Variants in ASXL1 observed in about 807,000 individuals in gnomAD.
The protein encoded by ASXL1 is polycomb group protein ASXL1.
In ASXL1, 65 loss-of-function variants were observed where a neutral mutation model predicts 89.1. The observed-to-expected ratio is 0.73, with a 90% CI of 0.60 to 0.90. ASXL1 has a LOEUF of 0.90. Ranked by LOEUF, ASXL1 falls within the 40% of genes least tolerant of loss-of-function variation. The probability of loss-of-function intolerance (pLI) is 0.00; values close to 1 mark genes in which losing one functional copy is unlikely to be tolerated. For missense variants in ASXL1, 1,786 were observed against 1,942.9 expected, an observed-to-expected ratio of 0.92 and a Z score of 1.52; for synonymous variants, 739 against 746.9, an observed-to-expected ratio of 0.99 and a Z score of 0.17.
At chr20:32,366,340 A>C (rs2048204067) in intron 1 of ASXL1, 44 bp from the exon 2 acceptor site, 2 of 1,515,260 alleles carry the variant, frequency 1.3e-6, no homozygotes, top group Admixed American at 3.3e-5. Flanking sequence ...GATGGATATA[A>C]ATGGAAATTG....
rs753355494 is a variant in ASXL1, at chr20:32,434,854, C to T, written c.2142C>T (p.Ser714=). The change falls in exon 13 of 13, where the codon TCC becomes TCT. Residue 714 remains serine, a synonymous_variant. Transcript: ENST00000375687. ...GEHTQAGTAM[S]RARREDLPSL... ...ATACCCAGGCCGGAACTGCCATGTC[C>T]AGAGCTAGGAGAGAGGACCTGCCTT... The T allele has an allele frequency of 1.2e-6, 2 of 1,614,138 alleles. No individual in the cohort carries two copies. The highest frequency in any genetic ancestry group is 1.3e-5 in the African/African-American group (1 of 75,038).
At chr20:32,399,923 G>A (rs1023665172) in intron 4 of ASXL1, among the ~76,000 whole-genome samples, 1 of 151,652 alleles carries the variant, frequency 6.6e-6, no homozygotes, top group African/African-American at 2.4e-5. Context: ...CACTACGCCT[G>A]GCTCATTTTT....
At chr20:32,369,177 A>G in intron 4 of ASXL1, 54 bp downstream of exon 4, 2 of 1,501,438 alleles carry the variant, frequency 1.3e-6, no homozygotes, top group South Asian at 1.1e-5. Context: ...TTTAATGTGC[A>G]TAAAAATCAC....
intron 4 of ASXL1, among the ~76,000 whole-genome samples, chr20:32,401,794 G>A (rs911863489): frequency 1.3e-5 from 2 of 152,108 alleles, no homozygotes; most frequent in Admixed American, 6.6e-5. Flanking sequence ...GACCTCAAGT[G>A]ATCCACCCAC....
chr20:32,383,769 CTG>C (rs2048529964), intron 4 of ASXL1, among the ~76,000 whole-genome samples: 1 of 152,164 alleles, frequency 6.6e-6, no homozygotes, highest in Non-Finnish European at 1.5e-5. Context: ...TGTTTAAAAA[CTG>C]TGGGTGTAAA....
chr20:32,359,213 T>C, intron 1 of ASXL1: 1 of 699,306 alleles, frequency 1.4e-6, no homozygotes, highest in Admixed American at 2.0e-5. Flanking sequence ...CCGGGAAGGG[T>C]CGGAAGCTCC....
rs940002290 is a variant in ASXL1, at chr20:32,429,066, C to A, written c.472-272C>A. On this transcript the variant is annotated intron_variant, in intron 6 of 12. Coordinates refer to ENST00000375687, the MANE Select transcript of ASXL1 (RefSeq NM_015338.6). This position sits in a 1 kb window ranked among gnomAD's most constrained non-coding sequence, Gnocchi z 4.9. Reference sequence around the variant, plus strand: ...TGGGAGTGAGCAGTTTGAATGATAACCCTGCACTTACTAGCCTTGAGACTT... The same window carrying A: ...TGGGAGTGAGCAGTTTGAATGATAAACCTGCACTTACTAGCCTTGAGACTT... 5.0e-5 allele frequency: 23 copies of A among 461,334 alleles called. No homozygotes were observed. Among genetic ancestry groups the A allele is most frequent in the Non-Finnish European group, 8.8e-5 (22 of 249,160 alleles). The allele number at this position is 461,334 out of a possible 1,614,324, so 28.6% of individuals were successfully genotyped here. A position where few individuals can be genotyped will look rare whatever the true frequency, so the allele number is the denominator to read the frequency against.
Position 32,358,591 on chromosome 20 carries a change from C to T in ASXL1, c.-185C>T, listed in dbSNP as rs1345696414. On this transcript the variant is annotated 5_prime_UTR_variant, in exon 1 of 13. Transcript: ENST00000375687. ...GGAGCCGCCGCCGCCCCTCCCCCAC[C>T]GCCGCTCTCGCGCCAGCCGGTCCCC... 7.8e-5 allele frequency: 15 copies of T among 191,604 alleles called. No homozygotes were observed. The highest frequency in any genetic ancestry group is 2.1e-5 in the Non-Finnish European group (2 of 93,806). 11.9% of individuals were successfully genotyped at this position (191,604 alleles called of 1,614,324 possible). A position where few individuals can be genotyped will look rare whatever the true frequency, so the allele number is the denominator to read the frequency against.
intron 1 of ASXL1, chr20:32,359,811 G>T (rs1339663923): frequency 4.2e-6 from 3 of 717,876 alleles, no homozygotes; most frequent in Admixed American, 4.0e-5. Context: ...CTTCCTTTTG[G>T]ATTACTCCCA....
At chr20:32,415,158 G>A (rs529843507) in intron 4 of ASXL1, among the ~76,000 whole-genome samples, 6 of 152,062 alleles carry the variant, frequency 3.9e-5, no homozygotes, top group African/African-American at 4.8e-5. Flanking sequence ...ACAGGTGCCC[G>A]CCATCACCCC....
chr20:32,430,497 T>C (rs1569319575), intron 8 of ASXL1: 2 of 241,188 alleles, frequency 8.3e-6, no homozygotes, highest in African/African-American at 2.2e-5. Context: ...GTGTTGAATT[T>C]TGGGGATGCA....
chr20:32,433,720 C>T lies in ASXL1; in HGVS notation c.1522C>T (p.Pro508Ser), dbSNP rs1456774256. The T allele has an allele frequency of 6.2e-7, 1 of 1,613,342 alleles. No individual in the cohort carries two copies. Among genetic ancestry groups the T allele is most frequent in the South Asian group, 1.1e-5 (1 of 91,078 alleles). ...TGCCTCTGCATCTCCAGACAGAATT[C>T]CTAGCCTGCCTCAGGAAACTGTGGA... The part of the protein sequence containing the change: ...ARASASPDRI[P>S]SLPQETVDQE... The change falls in exon 12 of 13, where the codon CCT (proline) becomes TCT (serine). Residue 508 changes from proline to serine, a missense_variant. By Grantham distance (74) the Pro-to-Ser change is moderately conservative. Transcript: ENST00000375687.
In ASXL1 at chr20:32,429,108, C is replaced by T; in HGVS notation, c.472-230C>T. The T allele has an allele frequency of 1.8e-6, 1 of 543,556 alleles. No individual in the cohort carries two copies. The highest frequency in any genetic ancestry group is 3.3e-5 in the East Asian group (1 of 29,910). The allele number at this position is 543,556 out of a possible 1,614,324, so 33.7% of individuals were successfully genotyped here. A position where few individuals can be genotyped will look rare whatever the true frequency, so the allele number is the denominator to read the frequency against. ...TTGAGACTTGGGGAAAATTCCTTAC[C>T]TGTAAAATGGGGATAACAGTACATT... On this transcript the variant is annotated intron_variant, in intron 6 of 12. Transcript: ENST00000375687. This position sits in a 1 kb window ranked among gnomAD's most constrained non-coding sequence, Gnocchi z 4.9.
intron 4 of ASXL1, among the ~76,000 whole-genome samples, chr20:32,404,519 A>G (rs947516820): frequency 3.3e-5 from 5 of 152,172 alleles, no homozygotes; most frequent in Non-Finnish European, 7.3e-5. Flanking sequence ...CTCACTTATT[A>G]GTTCTACAAG....
intron 3 of ASXL1, 22 bp downstream of exon 3, chr20:32,367,751 A>G (rs1287090932): frequency 2.6e-6 from 2 of 780,782 alleles, no homozygotes; most frequent in Non-Finnish European, 4.8e-6. Context: ...CCTTTGGGAC[A>G]TATGGAATTG....
At chr20:32,387,904 A>G (rs1195288502) in intron 4 of ASXL1, among the ~76,000 whole-genome samples, 4 of 152,234 alleles carry the variant, frequency 2.6e-5, no homozygotes, top group Non-Finnish European at 5.9e-5. Context: ...TGTTGGCTGT[A>G]TAAATTAGTG....
chr20:32,366,527 TGTAGTGATATGAGTAA>T, intron 2 of ASXL1, 61 bp downstream of exon 2: 3 of 1,612,496 alleles, frequency 1.9e-6, no homozygotes, highest in Non-Finnish European at 2.5e-6. Flanking sequence ...TTTCTGTAGT[TGTAGTGATATGAGTAA>T]GTACACCTGT....
intron 4 of ASXL1, among the ~76,000 whole-genome samples, chr20:32,411,388 C>T (rs1449349738): frequency 2.0e-5 from 3 of 150,830 alleles, no homozygotes; most frequent in Non-Finnish European, 1.5e-5. Flanking sequence ...CCACCATGCC[C>T]GGCTAATTTT....
chr20:32,434,343 T>G (rs1286267554), intron 12 of ASXL1, 89 bp from the exon 13 acceptor site: 1 of 1,486,702 alleles, frequency 6.7e-7, no homozygotes, highest in Non-Finnish European at 9.4e-7. Flanking sequence ...GCCATGACCC[T>G]TAAGCTACTA....
Sources: gnomAD v4.1 joint callset for allele counts (sites outside exome capture counted in the v4.1 genomes callset) on GRCh38, gnomAD v4.1.1 for gene constraint, Gnocchi (gnomAD v3.1) non-coding constraint, MANE v1.5 for transcripts, NCBI Gene and HGNC (gene_info 2026-07-23, HGNC 2026-07-21) for gene names.